UGT3A2: variants seen among roughly 807,000 people sequenced by gnomAD.
UGT3A2 encodes UDP-glycosyltransferase 3A2.
In UGT3A2, 32 loss-of-function variants were observed where a neutral mutation model predicts 39.8. The ratio of observed to expected loss-of-function variants is 0.80; its 90% confidence interval spans 0.61 to 1.08. The LOEUF is 1.08. Ranked by LOEUF, UGT3A2 falls within the 50% of genes least tolerant of loss-of-function variation. The probability of loss-of-function intolerance (pLI) is 0.00; values close to 1 mark genes in which losing one functional copy is unlikely to be tolerated. For missense variants in UGT3A2, 611 were observed against 637.1 expected (o/e 0.96, Z 0.44); for synonymous variants, 241 against 230.7 (o/e 1.04, Z -0.40).
chr5:36,054,061 T>C (rs1287787602), intron 2 of UGT3A2, among the ~76,000 whole-genome samples: 1 of 152,208 alleles, frequency 6.6e-6, no homozygotes, highest in Non-Finnish European at 1.5e-5. Flanking sequence ...AAAAACAATC[T>C]CATAATGTTT....
In UGT3A2 at chr5:36,037,795, A is replaced by G. The variant is rs1561488291; in HGVS notation, c.1295+2T>C. ...TGACCACAACCCCAAGGAGCTGCAT[A>G]CCTCTTGTCTTCCATGATTTGTTTC... is the stretch of plus-strand genomic sequence containing the variant. On this transcript the variant is annotated splice_donor_variant, in intron 6 of 6. Transcript: ENST00000282507. LOFTEE classifies it high-confidence loss of function. The G allele has an allele frequency of 6.2e-7, 1 of 1,614,142 alleles. No homozygotes were observed. The highest frequency in any genetic ancestry group is 8.5e-7 in the Non-Finnish European group (1 of 1,180,020).
At position 36,037,888 on chromosome 5, in the gene UGT3A2, C is replaced by T; in HGVS notation, c.1204G>A (p.Glu402Lys). Residue 402 changes from glutamate to lysine, a missense_variant, in exon 6 of 7, where the codon GAA (glutamate) becomes AAA (lysine). Transcript: ENST00000282507. ...GDQPENMVRV[E>K]AKKFGVSIQL... ...ATAGAAACACCAAACTTTTTGGCTT[C>T]TACTCGGACCATGTTTTCAGGCTGG... 1 of 1,613,916 alleles carries T rather than the reference C, an allele frequency of 6.2e-7. No homozygotes were observed. The highest frequency in any genetic ancestry group is 8.5e-7 in the Non-Finnish European group (1 of 1,179,920).
chr5:36,051,961 AT>A lies in UGT3A2; in HGVS notation c.219del (p.Tyr74IlefsTer28). ...FMPDFKKEEKSYQVISWLAPE... is the reference protein window; with the variant it reads ...FMPDFKKEEKXYQVISWLAPE... ...GGTGCAAGCCAACTGATAACTTGAT[AT>A]GATTTTTCTTCCTTTTTAAAATCTA... On this transcript the variant is annotated frameshift_variant, in exon 3 of 7. Coordinates refer to ENST00000282507, the MANE Select transcript of UGT3A2 (RefSeq NM_174914.4). LOFTEE classifies it high-confidence loss of function. 2 of 1,574,686 alleles carry A rather than the reference AT, an allele frequency of 1.3e-6. No individual in the cohort carries two copies. The highest frequency in any genetic ancestry group is 2.4e-5 in the South Asian group (2 of 82,606).
At chr5:36,058,994 T>C (rs1243978635) in intron 2 of UGT3A2, among the ~76,000 whole-genome samples, 1 of 151,576 alleles carries the variant, frequency 6.6e-6, no homozygotes, top group Non-Finnish European at 1.5e-5. Flanking sequence ...CAGGGATAAA[T>C]AGAAATAAAT....
chr5:36,041,671 C>A (rs998707838), intron 4 of UGT3A2, among the ~76,000 whole-genome samples: 40 of 152,318 alleles, frequency 2.6e-4, no homozygotes, highest in Non-Finnish European at 5.4e-4. Flanking sequence ...CAAGAGTCAG[C>A]ATGACTGGGC....
chr5:36,054,744 C>T (rs1446026241), intron 2 of UGT3A2, among the ~76,000 whole-genome samples: 1 of 152,050 alleles, frequency 6.6e-6, no homozygotes, highest in African/African-American at 2.4e-5. Flanking sequence ...ACTGGGCAAA[C>T]AAAATTAGGT....
intron 5 of UGT3A2, 40 bp downstream of exon 5, chr5:36,039,437 G>C (rs755455520): frequency 2.5e-6 from 4 of 1,576,228 alleles, no homozygotes; most frequent in East Asian, 2.2e-5. Flanking sequence ...CCCAAAGACA[G>C]GTCAGTGGAA....
chr5:36,065,232 C>T (rs189006796), intron 1 of UGT3A2, among the ~76,000 whole-genome samples: 13 of 151,236 alleles, frequency 8.6e-5, no homozygotes, highest in Admixed American at 1.3e-4. Flanking sequence ...CAAAAGCCTG[C>T]GGGGTGGGGG....
At chr5:36,054,924 G>A (rs1174004399) in intron 2 of UGT3A2, among the ~76,000 whole-genome samples, 1 of 152,076 alleles carries the variant, frequency 6.6e-6, no homozygotes, top group Admixed American at 6.5e-5. Context: ...AGAATCTGGG[G>A]AGTTCAACAG....
At chr5:36,036,500 A>G (rs1580993561) in intron 6 of UGT3A2, among the ~76,000 whole-genome samples, 1 of 152,300 alleles carries the variant, frequency 6.6e-6, no homozygotes, top group Middle Eastern at 3.4e-3. Context: ...GAGGCTCCAC[A>G]CTTTTATTTT....
chr5:36,035,998 G>A (rs777937125), intron 6 of UGT3A2, 24 bp from the exon 7 acceptor site: 2 of 1,608,082 alleles, frequency 1.2e-6, no homozygotes, highest in South Asian at 1.1e-5. Context: ...TAGAGAGGGG[G>A]CATTACTAAT....
chr5:36,038,103 A>G, intron 5 of UGT3A2, 87 bp from the exon 6 acceptor site: 1 of 1,369,502 alleles, frequency 7.3e-7, no homozygotes, highest in South Asian at 1.4e-5. Flanking sequence ...GAAAGTGCCA[A>G]GGGGATCTAG....
chr5:36,043,555 A>T (rs1380583007), intron 4 of UGT3A2, among the ~76,000 whole-genome samples: 6 of 151,810 alleles, frequency 4.0e-5, no homozygotes, highest in African/African-American at 1.4e-4. Flanking sequence ...TTTAAAATTT[A>T]AAAAAAAGAT....
chr5:36,036,030 T>G (rs1249885256), intron 6 of UGT3A2, 56 bp from the exon 7 acceptor site: 1 of 1,583,162 alleles, frequency 6.3e-7, no homozygotes, highest in Non-Finnish European at 8.6e-7. Context: ...AGAGTTAGAA[T>G]GTATGATCCG....
chr5:36,038,155 C>T, intron 5 of UGT3A2, 139 bp from the exon 6 acceptor site: 1 of 885,366 alleles, frequency 1.1e-6, no homozygotes, highest in South Asian at 1.9e-5. Context: ...GTGCTTGGGA[C>T]ACATCCAATG....
rs1391566792 is a variant in UGT3A2, at chr5:36,059,359, CTCT to C, written c.196+4887_196+4889del. ...GGGGAAGAATTTGGTTATTTCTTTT[CTCT>C]TTTTTTTTTTTTTTTTTTGGAGTTT... On this transcript the variant is annotated intron_variant, in intron 2 of 6. Coordinates refer to ENST00000282507, the MANE Select transcript of UGT3A2 (RefSeq NM_174914.4). 6.1e-5 allele frequency among the ~76,000 whole-genome samples: 7 copies of C among 114,716 alleles called. No individual in the cohort carries two copies. In the East Asian group the frequency reaches 1.5e-3, roughly 25 times the overall value. The allele number at this position is 114,716 out of a possible 152,430, so 75.3% of individuals were successfully genotyped here.
intron 4 of UGT3A2, among the ~76,000 whole-genome samples, chr5:36,045,109 C>G (rs896412860): frequency 1.3e-5 from 2 of 152,146 alleles, no homozygotes; most frequent in Admixed American, 6.5e-5. Flanking sequence ...GTAACCAAAA[C>G]TGTATGGTAC....
chr5:36,064,947 C>T (rs547128054), intron 1 of UGT3A2, among the ~76,000 whole-genome samples: 55 of 152,260 alleles, frequency 3.6e-4, no homozygotes, highest in African/African-American at 1.2e-3. Flanking sequence ...ATTTAGGCCA[C>T]ACAATGATCA....
chr5:36,060,472 A>T (rs1271016565), intron 2 of UGT3A2, among the ~76,000 whole-genome samples: 3 of 152,242 alleles, frequency 2.0e-5, no homozygotes, highest in African/African-American at 7.2e-5. Flanking sequence ...TAGTAATAAT[A>T]TGAACCTGTG....
Sources: allele counts gnomAD v4.1 joint callset (sites outside exome capture counted in the v4.1 genomes callset), GRCh38; gene constraint gnomAD v4.1.1; transcripts MANE v1.5; gene names NCBI Gene and HGNC (gene_info 2026-07-23, HGNC 2026-07-21).